RBFOX1: variants seen among roughly 807,000 people sequenced by gnomAD.
RBFOX1 encodes RNA binding fox-1 homolog 1.
In RBFOX1, 8 loss-of-function variants were observed where a neutral mutation model predicts 57.7. The ratio of observed to expected loss-of-function variants is 0.14; its 90% CI spans 0.08 to 0.25. The LOEUF (loss-of-function observed/expected upper bound fraction) is 0.25. Ranked by LOEUF, RBFOX1 falls within the 10% of genes least tolerant of loss-of-function variation. RBFOX1 has a pLI of 1.00. For missense variants in RBFOX1, 611 were observed against 548.5 expected (o/e 1.11, Z -1.14); for synonymous variants, 326 against 222.4 (o/e 1.47, Z -4.15).
intron 4 of RBFOX1, among the ~76,000 whole-genome samples, chr16:7,200,172 T>A (rs893010626): frequency 1.3e-5 from 2 of 152,218 alleles, no homozygotes; most frequent in African/African-American, 4.8e-5. Context: ...ACCTGGAATA[T>A]AATGCAAAAT....
At chr16:5,692,165 C>CTTTG (rs1390205902) in intron 3 of RBFOX1, among the ~76,000 whole-genome samples, 3,286 of 22,898 alleles carry the variant, frequency 0.14, 180 homozygotes, top group African/African-American at 0.16. Flanking sequence ...TAGGGACTGA[C>CTTTG]TGTGTGTGTG....
intron 1 of RBFOX1, among the ~76,000 whole-genome samples, chr16:6,159,150 C>A (rs1295269414): frequency 1.3e-5 from 2 of 152,258 alleles, no homozygotes; most frequent in Admixed American, 1.3e-4. Flanking sequence ...GATCTCAGCT[C>A]ACTGCAACCT....
intron 10 of RBFOX1, chr16:7,614,519 C>T (rs988163672): frequency 6.6e-6 from 1 of 152,132 alleles, no homozygotes; most frequent in East Asian, 1.9e-4. Context: ...GTGCTAAAAA[C>T]TGCATTTTTG....
At chr16:6,300,970 C>G (rs1269342815) in intron 1 of RBFOX1, among the ~76,000 whole-genome samples, 12 of 152,094 alleles carry the variant, frequency 7.9e-5, no homozygotes. Context: ...AAAGTGGGAA[C>G]TCAGAAAGTG....
At chr16:7,199,724 G>A (rs906367907) in intron 4 of RBFOX1, among the ~76,000 whole-genome samples, 4 of 152,058 alleles carry the variant, frequency 2.6e-5, no homozygotes, top group Admixed American at 1.3e-4. Context: ...GTGAAACCCC[G>A]TCTTTACTAA....
At chr16:6,345,661 G>A (rs143734572) in intron 2 of RBFOX1, among the ~76,000 whole-genome samples, 44 of 152,234 alleles carry the variant, frequency 2.9e-4, no homozygotes, top group Non-Finnish European at 5.6e-4. Context: ...GAGCAAACTC[G>A]AGTTTCTCCC....
intron 3 of RBFOX1, among the ~76,000 whole-genome samples, chr16:6,667,054 A>C (rs1184411782): frequency 1.3e-5 from 2 of 152,124 alleles, no homozygotes; most frequent in Non-Finnish European, 2.9e-5. Context: ...GTTGAAAATG[A>C]GATGTTAGTC....
intron 1 of RBFOX1, among the ~76,000 whole-genome samples, chr16:6,149,398 A>T (rs1253425385): frequency 6.6e-6 from 1 of 152,246 alleles, no homozygotes; most frequent in African/African-American, 2.4e-5. Context: ...GATTCATTGC[A>T]GACGCACAGG....
At chr16:7,322,810 A>C (rs990641032) in intron 4 of RBFOX1, among the ~76,000 whole-genome samples, 1 of 152,082 alleles carries the variant, frequency 6.6e-6, no homozygotes. Context: ...GCAACCTAAT[A>C]ATCTCTTTAT....
chr16:5,688,112 A>G (rs1467659859), intron 3 of RBFOX1, among the ~76,000 whole-genome samples: 1 of 152,212 alleles, frequency 6.6e-6, no homozygotes. Flanking sequence ...TCAATTTATT[A>G]TACTCTTGTA....
intron 4 of RBFOX1, among the ~76,000 whole-genome samples, chr16:5,948,575 G>T (rs1168656642): frequency 2.6e-5 from 4 of 152,178 alleles, no homozygotes; most frequent in African/African-American, 7.2e-5. Context: ...GAAGAGGGAA[G>T]TTTGGAGACC....
chr16:5,886,351 C>T (rs1370074428), intron 4 of RBFOX1, among the ~76,000 whole-genome samples: 1 of 152,142 alleles, frequency 6.6e-6, no homozygotes, highest in Non-Finnish European at 1.5e-5. Context: ...AAGTGCTTAG[C>T]CCAGTACCCA....
intron 4 of RBFOX1, among the ~76,000 whole-genome samples, chr16:7,252,796 G>T (rs751462620): frequency 6.6e-6 from 1 of 150,414 alleles, no homozygotes; most frequent in Non-Finnish European, 1.5e-5. Context: ...CTGGGCTAAT[G>T]TTACATAGTA....
intron 3 of RBFOX1, among the ~76,000 whole-genome samples, chr16:5,663,286 C>T (rs994127278): frequency 6.6e-6 from 1 of 152,090 alleles, no homozygotes; most frequent in Non-Finnish European, 1.5e-5. Context: ...ACATGGCTCA[C>T]TATAGCTTCA....
chr16:6,373,594 C>T (rs1596300974), intron 2 of RBFOX1, among the ~76,000 whole-genome samples: 1 of 151,010 alleles, frequency 6.6e-6, no homozygotes. Flanking sequence ...GAAGTATAGT[C>T]GGATGAGAGG....
intron 3 of RBFOX1, among the ~76,000 whole-genome samples, chr16:6,720,709 G>A (rs140005160): frequency 6.6e-6 from 1 of 152,202 alleles, no homozygotes; most frequent in Admixed American, 6.5e-5. Flanking sequence ...TGGTGGGTCA[G>A]CTGGGACACA....
intron 3 of RBFOX1, among the ~76,000 whole-genome samples, chr16:6,659,288 G>A (rs1161966765): frequency 6.6e-6 from 1 of 152,014 alleles, no homozygotes; most frequent in African/African-American, 2.4e-5. Context: ...CGCCTGGCCT[G>A]GTGCAGCTAA....
rs1262173414 is a variant in RBFOX1 at position 7,058,332 on chromosome 16, A to G, written c.27+6234A>G. On this transcript the variant is annotated intron_variant, in intron 4 of 15. Transcript: ENST00000550418. ...AACACTTTCTAAGCTTTCTTTTTTA[A>G]GGGAAAGGGAGTGTGCCTCAGGATG... 2.0e-5 allele frequency among the ~76,000 whole-genome samples: 3 copies of G among 152,172 alleles called. 1 individual carries two copies. Among genetic ancestry groups the G allele is most frequent in the Admixed American group, 2.0e-4 (3 of 15,272 alleles).
intron 3 of RBFOX1, among the ~76,000 whole-genome samples, chr16:7,045,798 G>C (rs1449740621): frequency 1.3e-5 from 2 of 151,940 alleles, no homozygotes; most frequent in Non-Finnish European, 2.9e-5. Context: ...TGGGACTACA[G>C]GCGCATTCCA....
Sources: allele counts gnomAD v4.1 joint callset (sites outside exome capture counted in the v4.1 genomes callset), GRCh38; gene constraint gnomAD v4.1.1; transcripts MANE v1.5; gene names NCBI Gene and HGNC (gene_info 2026-07-23, HGNC 2026-07-21).